The following RASD2 variants were observed in gnomAD, a reference collection of about 807,000 sequenced individuals.
The protein encoded by RASD2 is RASD family member 2, also known as GTP-binding protein Rhes.
RASD2 carries 7 observed loss-of-function variants against 15.8 expected under a neutral mutation model. The ratio of observed to expected loss-of-function variants is 0.44; its 90% CI spans 0.25 to 0.83. The LOEUF (loss-of-function observed/expected upper bound fraction) is 0.83. Ranked by LOEUF, RASD2 falls within the 40% of genes least tolerant of loss-of-function variation. RASD2 has a pLI of 0.20. For synonymous variants in RASD2, 155 were observed against 153.6 expected, an observed-to-expected ratio of 1.01 and a Z score of -0.07; for missense variants, 274 against 382.8, an observed-to-expected ratio of 0.72 and a Z score of 2.37.
chr22:35,543,235 G>A (rs1383204083), intron 1 of RASD2, among the ~76,000 whole-genome samples: 3 of 152,104 alleles, frequency 2.0e-5, no homozygotes, highest in Non-Finnish European at 4.4e-5. Context: ...GGAACTTTCT[G>A]GCTTCCACCT....
chr22:35,551,584 A>C lies in RASD2; in HGVS notation c.353A>C (p.Glu118Ala). Residue 118 changes from glutamate to alanine, a missense_variant, in exon 3 of 3, where the codon GAG becomes GCG. Glu to Ala is a moderately radical substitution (Grantham distance 107, BLOSUM62 -1). Transcript: ENST00000216127. This position sits in a 1 kb window ranked among gnomAD's most constrained non-coding sequence, Gnocchi z 4.9. ...EVKRLQKQIL[E>A]VKSCLKNKTK... is the part of the protein sequence containing the mutation. ...AAGCGCCTTCAGAAGCAGATCCTGGAGGTCAAGTCCTGCCTGAAGAACAAG... is the reference window on the plus strand; with the variant it reads ...AAGCGCCTTCAGAAGCAGATCCTGGCGGTCAAGTCCTGCCTGAAGAACAAG... 6.2e-7 allele frequency: 1 copy of C among 1,614,108 alleles called. No homozygotes were observed. Among genetic ancestry groups the C allele is most frequent in the Non-Finnish European group, 8.5e-7 (1 of 1,180,018 alleles).
In RASD2 at chr22:35,551,926, C is replaced by T. The variant is rs758610047; in HGVS notation, c.695C>T (p.Ser232Leu). 6.2e-7 allele frequency: 1 copy of T among 1,609,404 alleles called. No individual in the cohort carries two copies. The highest frequency in any genetic ancestry group is 8.5e-7 in the Non-Finnish European group (1 of 1,180,014). Reference sequence around the variant, plus strand: ...GAGATGGACGCCTATGGCATGGTCTCGCCCTTCGCCCGCCGCCCCAGCGTC... The same window carrying T: ...GAGATGGACGCCTATGGCATGGTCTTGCCCTTCGCCCGCCGCCCCAGCGTC... ...VKEMDAYGMV[S>L]PFARRPSVNS... is the part of the protein sequence containing the mutation. The change falls in exon 3 of 3, where the codon TCG becomes TTG. Residue 232 changes from serine (S) to leucine (L), a missense_variant. Coordinates refer to ENST00000216127, the MANE Select transcript of RASD2 (RefSeq NM_014310.4). The surrounding 1 kb of genome is among the most constrained non-coding windows in gnomAD (Gnocchi z 4.9).
rs926491419 is a variant in RASD2 at position 35,552,213 on chromosome 22, A to G, written c.*181A>G. 2 of 751,246 alleles carry G rather than the reference A, an allele frequency of 2.7e-6. No individual in the cohort carries two copies. The highest frequency in any genetic ancestry group is 4.2e-6 in the Non-Finnish European group (2 of 476,514). 46.5% of individuals were successfully genotyped at this position (751,246 alleles called of 1,614,324 possible). ...CGTCTGCCTTCTCACAGCTTTCCTG[A>G]GTCCGCTTGTCCACAGCTCCTTGGT... is the stretch of plus-strand genomic sequence containing the variant. On this transcript the variant is annotated 3_prime_UTR_variant, in exon 3 of 3. Coordinates refer to ENST00000216127, the MANE Select transcript of RASD2 (RefSeq NM_014310.4).
chr22:35,537,949 C>CTTT (rs34411242), upstream of RASD2, among the ~76,000 whole-genome samples: 6 of 140,598 alleles, frequency 4.3e-5, no homozygotes, highest in South Asian at 2.3e-4. Context: ...GACTTTATAT[C>CTTT]TTTTTTTTTT....
At position 35,552,406 on chromosome 22, in the gene RASD2, A is replaced by AC. The variant is rs1427081732; in HGVS notation, c.*375dup. The AC allele has an allele frequency of 1.6e-4, 36 of 221,652 alleles. 1 individual carries two copies. Among genetic ancestry groups the AC allele is most frequent in the Non-Finnish European group, 2.5e-4 (28 of 111,808 alleles). 13.7% of individuals were successfully genotyped at this position (221,652 alleles called of 1,614,324 possible). On this transcript the variant is annotated 3_prime_UTR_variant, in exon 3 of 3. Coordinates refer to ENST00000216127, the MANE Select transcript of RASD2 (RefSeq NM_014310.4). ...GGACAAGCCTCAGGATGAAAAGGACACAGAAGGCCAGATGAGAAAGGTCTC... is the reference window on the plus strand; with the variant it reads ...GGACAAGCCTCAGGATGAAAAGGACACCAGAAGGCCAGATGAGAAAGGTCTC...
chr22:35,533,480 G>C, the RASD2 span, among the ~76,000 whole-genome samples: 3 of 152,226 alleles, frequency 2.0e-5, no homozygotes, highest in African/African-American at 4.8e-5. Flanking sequence ...TGGCTATGAT[G>C]ATGACGCTGA....
intron 1 of RASD2, among the ~76,000 whole-genome samples, chr22:35,542,340 G>A (rs73154056): frequency 1.3e-5 from 2 of 152,356 alleles, no homozygotes; most frequent in Non-Finnish European, 2.9e-5. Flanking sequence ...CCCAGCATGT[G>A]TTCAGGTTTG....
At chr22:35,543,982 C>G (rs1934425871) in intron 1 of RASD2, among the ~76,000 whole-genome samples, 1 of 150,866 alleles carries the variant, frequency 6.6e-6, no homozygotes, top group Non-Finnish European at 1.5e-5. Context: ...CTCTTTGACC[C>G]TCTGCCTCCT....
chr22:35,545,785 G>A (rs1234231049), intron 1 of RASD2, among the ~76,000 whole-genome samples: 2 of 152,182 alleles, frequency 1.3e-5, no homozygotes, highest in Admixed American at 6.5e-5. Context: ...TCAAACTGAC[G>A]AGGGTGACTG....
chr22:35,549,079 T>C (rs1261793073), intron 2 of RASD2, among the ~76,000 whole-genome samples: 1 of 152,204 alleles, frequency 6.6e-6, no homozygotes, highest in Non-Finnish European at 1.5e-5. Context: ...ACACAAGTAA[T>C]ACCCAAACAC....
At position 35,551,105 on chromosome 22, in the gene RASD2, T is replaced by A. The variant is rs1934653096; in HGVS notation, c.272-398T>A. 6.6e-6 allele frequency among the ~76,000 whole-genome samples: 1 copy of A among 152,198 alleles called. No individual in the cohort carries two copies. Among genetic ancestry groups the A allele is most frequent in the Admixed American group, 6.5e-5 (1 of 15,284 alleles). On this transcript the variant is annotated intron_variant, in intron 2 of 2. Coordinates refer to ENST00000216127, the MANE Select transcript of RASD2 (RefSeq NM_014310.4). The surrounding 1 kb of genome is among the most constrained non-coding windows in gnomAD (Gnocchi z 4.9). Reference sequence around the variant, plus strand: ...TAAGCGGATGAGGCCAGATGCAAACTAGGCATTGAGCAAGACAGGCAGGAC... The same window carrying A: ...TAAGCGGATGAGGCCAGATGCAAACAAGGCATTGAGCAAGACAGGCAGGAC...
intron 1 of RASD2, among the ~76,000 whole-genome samples, chr22:35,543,651 C>A (rs1436723069): frequency 6.6e-6 from 1 of 152,244 alleles, no homozygotes; most frequent in African/African-American, 2.4e-5. Context: ...TCCAGGTGTC[C>A]AGATGTCTCA....
chr22:35,548,115 G>C (rs1038598372), intron 2 of RASD2, among the ~76,000 whole-genome samples: 3 of 152,206 alleles, frequency 2.0e-5, no homozygotes, highest in East Asian at 1.9e-4. Flanking sequence ...AGGGAGGTTG[G>C]GGGGAAGAAG....
intron 2 of RASD2, among the ~76,000 whole-genome samples, chr22:35,548,995 G>A (rs1481427457): frequency 1.3e-5 from 2 of 152,200 alleles, no homozygotes; most frequent in African/African-American, 4.8e-5. Flanking sequence ...AATGAATAAG[G>A]CTAATGACAG....
chr22:35,543,873 T>C (rs1186321991), intron 1 of RASD2, among the ~76,000 whole-genome samples: 1 of 136,274 alleles, frequency 7.3e-6, no homozygotes, highest in Non-Finnish European at 1.5e-5. Context: ...CTGCCTCCTC[T>C]GTCTGACTCC....
upstream of RASD2, among the ~76,000 whole-genome samples, chr22:35,540,645 C>T (rs566992355): frequency 6.6e-6 from 1 of 152,278 alleles, no homozygotes; most frequent in South Asian, 2.1e-4. Context: ...GACCTCTTCG[C>T]CCTGCGGGTG....
the RASD2 span, among the ~76,000 whole-genome samples, chr22:35,533,798 GACA>G: frequency 7.0e-6 from 1 of 142,464 alleles, no homozygotes; most frequent in Admixed American, 7.0e-5. Flanking sequence ...TGGGGATGAT[GACA>G]GTGATGATTG....
intron 2 of RASD2, among the ~76,000 whole-genome samples, chr22:35,549,392 G>A (rs1184083381): frequency 6.6e-6 from 1 of 151,604 alleles, no homozygotes; most frequent in East Asian, 1.9e-4. Context: ...TCATTTTCCT[G>A]CTGCTCAGGA....
chr22:35,536,757 G>A (rs1410270540), upstream of RASD2, among the ~76,000 whole-genome samples: 3 of 152,196 alleles, frequency 2.0e-5, no homozygotes, highest in Non-Finnish European at 2.9e-5. Context: ...TTAAAACCAG[G>A]TGGCCTGGCC....
Sources: allele counts gnomAD v4.1 joint callset (sites outside exome capture counted in the v4.1 genomes callset), GRCh38; gene constraint gnomAD v4.1.1; non-coding constraint Gnocchi (gnomAD v3.1); transcripts MANE v1.5; gene names NCBI Gene and HGNC (gene_info 2026-07-23, HGNC 2026-07-21).